The following SLC9A7 variants were observed in gnomAD, a reference collection of about 807,000 sequenced individuals.
SLC9A7 encodes the protein solute carrier family 9 member A7.
In SLC9A7, 19 loss-of-function variants were observed where a neutral mutation model predicts 52.6. The observed-to-expected ratio is 0.36, with a 90% CI of 0.25 to 0.53. The LOEUF (loss-of-function observed/expected upper bound fraction) is 0.53. SLC9A7 is among the 20% of genes least tolerant of loss of function. SLC9A7 has a pLI of 0.91. For missense variants in SLC9A7, 455 were observed against 597.9 expected, an observed-to-expected ratio of 0.76 and a Z score of 2.49; for synonymous variants, 226 against 252.1, an observed-to-expected ratio of 0.90 and a Z score of 0.98.
At chrX:46,745,518 GA>G in intron 1 of SLC9A7, among the ~76,000 whole-genome samples, 1 of 111,979 alleles carries the variant, frequency 8.9e-6, no homozygotes, top group South Asian at 3.7e-4. Flanking sequence ...CTGGATATAT[GA>G]GATGAAAACT....
chrX:46,669,910 T>C (rs748424211), intron 4 of SLC9A7, among the ~76,000 whole-genome samples, 191 bp from the exon 5 acceptor site: 1 of 110,784 alleles, frequency 9.0e-6, no homozygotes, highest in African/African-American at 3.4e-5. Context: ...GTTAATGTCA[T>C]CTTGCTGAAA....
chrX:46,636,072 CAGAA>C (rs1943314284), intron 12 of SLC9A7, among the ~76,000 whole-genome samples: 1 of 111,756 alleles, frequency 8.9e-6, no homozygotes, highest in Non-Finnish European at 1.9e-5. Flanking sequence ...ACATATTTGA[CAGAA>C]AGAACAAAAA....
At position 46,606,763 on chromosome X, in the gene SLC9A7, T is replaced by G. The variant is rs1942750734; in HGVS notation, c.*189A>C. ...GGAATAGGTCTACGTTTGTCTGAAT[T>G]TAGAGACACTTTTGCCTCACCATCT... On this transcript the variant is annotated 3_prime_UTR_variant, in exon 17 of 17. Transcript: ENST00000616978. 9.2e-7 allele frequency: 1 copy of G among 1,089,703 alleles called. No homozygotes were observed. The highest frequency in any genetic ancestry group is 2.4e-5 in the South Asian group (1 of 41,271). The allele number at this position is 1,089,703 out of a possible 1,213,427, so 89.8% of individuals were successfully genotyped here.
intron 7 of SLC9A7, among the ~76,000 whole-genome samples, chrX:46,661,765 A>G (rs1943826961): frequency 9.0e-6 from 1 of 111,631 alleles, no homozygotes; most frequent in South Asian, 3.7e-4. Context: ...GGATCACAAG[A>G]AAGGGAGAGA....
At chrX:46,729,015 G>GA (rs1278939182) in intron 1 of SLC9A7, among the ~76,000 whole-genome samples, 2 of 112,380 alleles carry the variant, frequency 1.8e-5, no homozygotes, top group Non-Finnish European at 3.8e-5. Flanking sequence ...TTTCCAGGGG[G>GA]ATAGAAATGT....
intron 16 of SLC9A7, among the ~76,000 whole-genome samples, chrX:46,612,864 G>A (rs1383505381): frequency 1.1e-5 from 1 of 93,560 alleles, no homozygotes; most frequent in Non-Finnish European, 2.0e-5. Flanking sequence ...GGCATAGGTT[G>A]CAGTGAGCCG....
chrX:46,620,334 T>A (rs1407043729), intron 15 of SLC9A7, among the ~76,000 whole-genome samples: 1 of 110,872 alleles, frequency 9.0e-6, no homozygotes, highest in Non-Finnish European at 1.9e-5. Context: ...AGGTGGGAGA[T>A]TGCTTGAGCC....
intron 1 of SLC9A7, among the ~76,000 whole-genome samples, chrX:46,755,893 C>A (rs1221250901): frequency 9.2e-6 from 1 of 108,392 alleles, no homozygotes; most frequent in African/African-American, 3.4e-5. Flanking sequence ...CTCTCCCTCC[C>A]ACTCCTATTT....
intron 3 of SLC9A7, among the ~76,000 whole-genome samples, chrX:46,674,766 A>C (rs1339945618): frequency 8.9e-6 from 1 of 112,094 alleles, no homozygotes. Context: ...ACTAGTTCAG[A>C]ATCTCCCTTA....
intron 14 of SLC9A7, among the ~76,000 whole-genome samples, chrX:46,625,786 G>A (rs761760990): frequency 2.7e-5 from 3 of 110,757 alleles, no homozygotes; most frequent in Middle Eastern, 4.2e-3. Context: ...AAGAAAGGGC[G>A]GGAGAGATTC....
chrX:46,709,270 G>A (rs7892695), intron 1 of SLC9A7, among the ~76,000 whole-genome samples: 6,492 of 110,382 alleles, frequency 0.059, 470 homozygotes, highest in African/African-American at 0.2. Context: ...AGCCTGCTGC[G>A]GTGGTGCGCA....
At chrX:46,639,172 A>G (rs1050621030) in intron 12 of SLC9A7, among the ~76,000 whole-genome samples, 3 of 111,923 alleles carry the variant, frequency 2.7e-5, no homozygotes, top group Non-Finnish European at 5.6e-5. Flanking sequence ...CATGAAAAAA[A>G]CTCTCAGAAA....
At chrX:46,655,424 G>A in intron 7 of SLC9A7, among the ~76,000 whole-genome samples, 1 of 112,362 alleles carries the variant, frequency 8.9e-6, no homozygotes, top group Non-Finnish European at 1.9e-5. Context: ...GAGCAACGCA[G>A]AAGACGGGTG....
chrX:46,649,238 T>C (rs1360215395), intron 10 of SLC9A7, among the ~76,000 whole-genome samples: 2 of 112,002 alleles, frequency 1.8e-5, no homozygotes, highest in Admixed American at 1.9e-4. Context: ...TTGCTAATCC[T>C]GCAGTCAAAC....
At chrX:46,627,782 G>A (rs1397366068) in intron 14 of SLC9A7, among the ~76,000 whole-genome samples, 5 of 109,062 alleles carry the variant, frequency 4.6e-5, no homozygotes, top group African/African-American at 6.7e-5. Flanking sequence ...GCGGGTTGGG[G>A]GGGGGGCGGT....
chrX:46,617,977 A>G (rs921684474), intron 15 of SLC9A7, among the ~76,000 whole-genome samples: 3 of 111,796 alleles, frequency 2.7e-5, no homozygotes, highest in African/African-American at 9.8e-5. Flanking sequence ...AACAACTAGA[A>G]AAGCTAGACA....
At chrX:46,730,182 T>C (rs949292954) in intron 1 of SLC9A7, among the ~76,000 whole-genome samples, 1 of 111,503 alleles carries the variant, frequency 9.0e-6, no homozygotes, top group African/African-American at 3.3e-5. Flanking sequence ...TTCACAATGT[T>C]GATTTCTTAC....
chrX:46,755,214 C>A (rs1472900888), intron 1 of SLC9A7, among the ~76,000 whole-genome samples: 1 of 111,930 alleles, frequency 8.9e-6, no homozygotes, highest in African/African-American at 3.2e-5. Context: ...CCTCTGCATC[C>A]AAGCAAGCAC....
At chrX:46,619,061 A>G (rs941406218) in intron 15 of SLC9A7, among the ~76,000 whole-genome samples, 5 of 112,518 alleles carry the variant, frequency 4.4e-5, no homozygotes, top group Admixed American at 1.9e-4. Flanking sequence ...AATCAGTAAG[A>G]AAAAGGCAGA....
Sources: gnomAD v4.1 joint callset for allele counts (sites outside exome capture counted in the v4.1 genomes callset) on GRCh38, gnomAD v4.1.1 for gene constraint, MANE v1.5 for transcripts, NCBI Gene and HGNC (gene_info 2026-07-23, HGNC 2026-07-21) for gene names.